PTPRM: variants seen among roughly 807,000 people sequenced by gnomAD.
PTPRM encodes the protein protein tyrosine phosphatase receptor type M, also known as receptor-type tyrosine-protein phosphatase mu.
PTPRM carries 47 observed loss-of-function variants against 186.7 expected under a neutral mutation model. The ratio of observed to expected loss-of-function variants is 0.25; its 90% CI spans 0.20 to 0.32. The LOEUF (loss-of-function observed/expected upper bound fraction) is 0.32, where lower values mean the gene tolerates loss of function less well. Among genes scored for constraint, PTPRM ranks in the 10% least tolerant of loss-of-function variants. The probability of loss-of-function intolerance (pLI) is 1.00; values close to 1 mark genes in which losing one functional copy is unlikely to be tolerated. For missense variants in PTPRM, 1,494 were observed against 1,865.0 expected, an observed-to-expected ratio of 0.80 and a Z score of 3.66; for synonymous variants, 668 against 674.9, an observed-to-expected ratio of 0.99 and a Z score of 0.16.
chr18:8,089,889 G>T (rs1468825659), intron 11 of PTPRM, among the ~76,000 whole-genome samples: 2 of 152,138 alleles, frequency 1.3e-5, no homozygotes, highest in Non-Finnish European at 2.9e-5. Context: ...GATTAGGGAA[G>T]AGTCACAGAA....
At chr18:7,912,767 C>T (rs1427208102) in intron 4 of PTPRM, among the ~76,000 whole-genome samples, 1 of 152,022 alleles carries the variant, frequency 6.6e-6, no homozygotes, top group Non-Finnish European at 1.5e-5. Context: ...GATCCGCCCG[C>T]CTCAGCCTCC....
At chr18:8,071,006 T>C (rs974516869) in intron 8 of PTPRM, among the ~76,000 whole-genome samples, 5 of 152,214 alleles carry the variant, frequency 3.3e-5, no homozygotes, top group African/African-American at 7.2e-5. Context: ...CACCTGCGTA[T>C]TTTTGTAGAA....
chr18:8,220,280 C>T (rs2094139756), intron 14 of PTPRM, among the ~76,000 whole-genome samples: 1 of 152,186 alleles, frequency 6.6e-6, no homozygotes, highest in African/African-American at 2.4e-5. Flanking sequence ...TTTAGTGCTT[C>T]TGAATTTATG....
rs2093621834 is a variant in PTPRM at position 8,184,833 on chromosome 18, G to A, written c.2300+41054G>A. Among the ~76,000 whole-genome samples, 4 of 152,126 alleles carry A rather than the reference G, an allele frequency of 2.6e-5. No individual in the cohort carries two copies. In the South Asian group the frequency reaches 8.3e-4, roughly 31 times the overall value. On this transcript the variant is annotated intron_variant, in intron 14 of 32. Coordinates refer to ENST00000580170, the MANE Select transcript of PTPRM (RefSeq NM_001105244.2). ...TACCACATGAGTGTTAGTAAAGAGT[G>A]CTGAGTGAGAGCGTCCCTTTGTCCT...
Position 8,021,667 on chromosome 18 carries a change from T to C in PTPRM, c.1133-48019T>C, listed in dbSNP as rs966730382. Among the ~76,000 whole-genome samples the C allele has an allele frequency of 9.2e-5, 14 of 152,268 alleles. No homozygotes were observed. The East Asian group carries it at 1.5e-3, about 17-fold the overall frequency. On this transcript the variant is annotated intron_variant, in intron 7 of 32. Coordinates refer to ENST00000580170, the MANE Select transcript of PTPRM (RefSeq NM_001105244.2). ...TGTTTGCTGAGGTTGCTGGCTTCCA[T>C]CTTCACACTGCAAAGGACATGATCT...
At chr18:7,960,474 T>TACACACAC (rs1299278137) in intron 7 of PTPRM, among the ~76,000 whole-genome samples, 96 of 111,286 alleles carry the variant, frequency 8.6e-4, no homozygotes, top group African/African-American at 3.8e-3. Flanking sequence ...TATATATATA[T>TACACACAC]ATATATACAC....
chr18:8,071,288 A>G (rs1026082495), intron 8 of PTPRM, among the ~76,000 whole-genome samples: 1 of 152,188 alleles, frequency 6.6e-6, no homozygotes, highest in African/African-American at 2.4e-5. Flanking sequence ...ACATTTCTCT[A>G]TTGACTCTGG....
chr18:7,639,653 A>G lies in PTPRM; in HGVS notation c.73+71762A>G, dbSNP rs557188443. Among the ~76,000 whole-genome samples, 487 of 152,194 alleles carry G rather than the reference A, an allele frequency of 3.2e-3. 3 individuals carry two copies. Among genetic ancestry groups the G allele is most frequent in the Non-Finnish European group, 5.8e-3 (395 of 68,002 alleles). On this transcript the variant is annotated intron_variant, in intron 1 of 32. Coordinates refer to ENST00000580170, the MANE Select transcript of PTPRM (RefSeq NM_001105244.2). ...GTGACCCACCCGCCTTGGCCTCCCAAAGTGCTGGGATTACAGGCTTGAGCC... is the reference window on the plus strand; with the variant it reads ...GTGACCCACCCGCCTTGGCCTCCCAGAGTGCTGGGATTACAGGCTTGAGCC...
chr18:8,338,785 A>G lies in PTPRM; in HGVS notation c.2957-4638A>G, dbSNP rs537850726. Among the ~76,000 whole-genome samples, 37 of 152,338 alleles carry G rather than the reference A, an allele frequency of 2.4e-4. 1 individual carries two copies. The South Asian group carries it at 7.7e-3, about 32-fold the overall frequency. ...TGTTTATGATGGAATGCCAATTTGT[A>G]CTTATATTATCTTTCTTTACTTCAA... On this transcript the variant is annotated intron_variant, in intron 22 of 32. Transcript: ENST00000580170.
chr18:8,016,783 T>C (rs919829648), intron 7 of PTPRM, among the ~76,000 whole-genome samples: 5 of 152,254 alleles, frequency 3.3e-5, no homozygotes, highest in African/African-American at 1.2e-4. Context: ...AAATGCGGCA[T>C]TCATTTTTAA....
chr18:7,726,658 A>C (rs2040555641), intron 1 of PTPRM, among the ~76,000 whole-genome samples: 1 of 152,182 alleles, frequency 6.6e-6, no homozygotes, highest in Admixed American at 6.5e-5. Context: ...CTCAAGAGTG[A>C]GAATGACCAT....
intron 1 of PTPRM, among the ~76,000 whole-genome samples, chr18:7,623,397 G>C (rs2032177): frequency 0.31 from 47,112 of 151,930 alleles, 11,701 homozygotes; most frequent in African/African-American, 0.68. Flanking sequence ...TTGTATTTTT[G>C]CAGATTTCCA....
intron 1 of PTPRM, among the ~76,000 whole-genome samples, chr18:7,714,887 C>T (rs1192556180): frequency 6.6e-6 from 1 of 152,078 alleles, no homozygotes; most frequent in Non-Finnish European, 1.5e-5. Context: ...TGCCTACCAA[C>T]CAAAAAAAGC....
At position 7,655,675 on chromosome 18, in the gene PTPRM, A is replaced by G. The variant is rs182747532; in HGVS notation, c.73+87784A>G. Among the ~76,000 whole-genome samples, 148 of 152,362 alleles carry G rather than the reference A, an allele frequency of 9.7e-4. 2 individuals carry two copies. In the Middle Eastern group the frequency reaches 0.017, roughly 18 times the overall value. On this transcript the variant is annotated intron_variant, in intron 1 of 32. Coordinates refer to ENST00000580170, the MANE Select transcript of PTPRM (RefSeq NM_001105244.2). ...TTACCAGGTGACTGGATAAACTGGT[A>G]CATTGAGACAATGGAATATTACTCA...
Position 7,567,778 on chromosome 18 carries a change from C to T in PTPRM, c.-41C>T. The T allele has an allele frequency of 6.6e-7, 1 of 1,505,034 alleles. No individual in the cohort carries two copies. Among genetic ancestry groups the T allele is most frequent in the Non-Finnish European group, 8.8e-7 (1 of 1,133,190 alleles). 93.2% of individuals were successfully genotyped at this position (1,505,034 alleles called of 1,614,324 possible). ...GGCCCCCTCCGCCCTCGCGCGCCCACCCACCGCCGCCGGGGAGCGGCCCGG... is the reference window on the plus strand; with the variant it reads ...GGCCCCCTCCGCCCTCGCGCGCCCATCCACCGCCGCCGGGGAGCGGCCCGG... On this transcript the variant is annotated 5_prime_UTR_variant, in exon 1 of 33. Coordinates refer to ENST00000580170, the MANE Select transcript of PTPRM (RefSeq NM_001105244.2). The surrounding 1 kb of genome is among the most constrained non-coding windows in gnomAD (Gnocchi z 4.3).
chr18:7,824,427 CTGTGTG>C (rs10565296), intron 2 of PTPRM, among the ~76,000 whole-genome samples: 2 of 150,244 alleles, frequency 1.3e-5, no homozygotes, highest in African/African-American at 4.9e-5. Context: ...TTGGATTTTC[CTGTGTG>C]TGTGTGTGTG....
intron 7 of PTPRM, among the ~76,000 whole-genome samples, chr18:7,983,911 G>A (rs1214646065): frequency 6.6e-6 from 1 of 152,154 alleles, no homozygotes; most frequent in Non-Finnish European, 1.5e-5. Context: ...TAATGCTAAA[G>A]AGCCAGAGAC....
intron 1 of PTPRM, among the ~76,000 whole-genome samples, chr18:7,717,756 C>G (rs1051592512): frequency 1.9e-4 from 29 of 152,184 alleles, no homozygotes; most frequent in South Asian, 6.2e-4. Flanking sequence ...ATGGAGTTTG[C>G]CCCTGCCTGT....
intron 1 of PTPRM, chr18:7,755,367 T>C (rs2041432050): frequency 6.6e-6 from 1 of 152,162 alleles, no homozygotes; most frequent in Non-Finnish European, 1.5e-5. Flanking sequence ...AATCAGCATG[T>C]TTATATAGTG....
Sources: allele counts gnomAD v4.1 joint callset (sites outside exome capture counted in the v4.1 genomes callset), GRCh38; gene constraint gnomAD v4.1.1; non-coding constraint Gnocchi (gnomAD v3.1); transcripts MANE v1.5; gene names NCBI Gene and HGNC (gene_info 2026-07-23, HGNC 2026-07-21).